Variants in WDR25 observed in about 807,000 individuals in gnomAD.
WDR25 encodes the protein WD repeat domain 25.
Under a neutral mutation model 47.7 loss-of-function variants are expected in WDR25, and 35 were observed. The observed-to-expected ratio is 0.73, with a 90% CI of 0.56 to 0.97. The LOEUF (loss-of-function observed/expected upper bound fraction) is 0.97, where lower values mean the gene tolerates loss of function less well. WDR25 is among the 50% of genes least tolerant of loss of function. The probability of loss-of-function intolerance (pLI) is 0.00; values close to 1 mark genes in which losing one functional copy is unlikely to be tolerated. For synonymous variants in WDR25, 248 were observed against 278.9 expected, an observed-to-expected ratio of 0.89 and a Z score of 1.10; for missense variants, 634 against 704.7, an observed-to-expected ratio of 0.90 and a Z score of 1.14.
chr14:100,427,268 C>T (rs1212915103), intron 2 of WDR25, among the ~76,000 whole-genome samples: 2 of 152,102 alleles, frequency 1.3e-5, no homozygotes, highest in East Asian at 1.9e-4. Flanking sequence ...TCCCACGAAG[C>T]CCTCCATGCC....
chr14:100,437,796 A>G (rs150803953), intron 2 of WDR25, among the ~76,000 whole-genome samples: 3 of 152,086 alleles, frequency 2.0e-5, no homozygotes, highest in African/African-American at 7.2e-5. Flanking sequence ...CCCTTAGTGA[A>G]GAAGAGAAGA....
intron 3 of WDR25, among the ~76,000 whole-genome samples, chr14:100,477,923 C>G (rs1185399273): frequency 6.6e-6 from 1 of 152,056 alleles, no homozygotes; most frequent in African/African-American, 2.4e-5. Flanking sequence ...AACCCCATCT[C>G]TACTAAAAAT....
chr14:100,467,979 G>A, intron 2 of WDR25, 42 bp from the exon 3 acceptor site: 1 of 1,610,040 alleles, frequency 6.2e-7, no homozygotes, highest in South Asian at 1.1e-5. Flanking sequence ...TGGAGATCAG[G>A]CCCTTGTTGT....
chr14:100,454,346 T>C, intron 2 of WDR25: 15 of 1,282,536 alleles, frequency 1.2e-5, no homozygotes, highest in Non-Finnish European at 1.5e-5. Context: ...AATGGGGTAA[T>C]GGAGTATGTG....
At chr14:100,508,581 A>G (rs1301491559) in intron 4 of WDR25, among the ~76,000 whole-genome samples, 1 of 152,202 alleles carries the variant, frequency 6.6e-6, no homozygotes, top group Non-Finnish European at 1.5e-5. Flanking sequence ...CTTTCTTTCT[A>G]ATGCATGTGC....
In WDR25 at chr14:100,529,028, G is replaced by A. The variant is rs751676691; in HGVS notation, c.1273-40G>A. 2.0e-6 allele frequency: 3 copies of A among 1,504,976 alleles called. No individual in the cohort carries two copies. Among genetic ancestry groups the A allele is most frequent in the African/African-American group, 1.4e-5 (1 of 71,506 alleles). 93.2% of individuals were successfully genotyped at this position (1,504,976 alleles called of 1,614,324 possible). A position where few individuals can be genotyped will look rare whatever the true frequency, so the allele number is the denominator to read the frequency against. On this transcript the variant is annotated intron_variant, in intron 5 of 6. Transcript: ENST00000402312. This position sits in a 1 kb window ranked among gnomAD's most constrained non-coding sequence, Gnocchi z 5.1. Reference sequence around the variant, plus strand: ...CCCCAGAGCAGAGTGCCAGGTTGGGGGTGTCTTCTCTGACCCATTTGTGGC... The same window carrying A: ...CCCCAGAGCAGAGTGCCAGGTTGGGAGTGTCTTCTCTGACCCATTTGTGGC...
intron 2 of WDR25, among the ~76,000 whole-genome samples, chr14:100,397,291 C>T (rs1323147674): frequency 6.6e-6 from 1 of 152,186 alleles, no homozygotes; most frequent in Non-Finnish European, 1.5e-5. Context: ...ATGGACCTGT[C>T]GTTCTGTAAC....
Position 100,493,012 on chromosome 14 carries a change from T to G in WDR25, c.1101+8888T>G, listed in dbSNP as rs147272871. 5.3e-3 allele frequency among the ~76,000 whole-genome samples: 809 copies of G among 152,318 alleles called. 6 individuals carry two copies. The highest frequency in any genetic ancestry group is 0.014 in the Admixed American group (208 of 15,298). On this transcript the variant is annotated intron_variant, in intron 4 of 6. Transcript: ENST00000402312. ...TTTTCTGTAGAGAAGGGTCTCACTA[T>G]GTTGCGCAGGCTGGTCTTGAACTCC...
Position 100,502,443 on chromosome 14 carries a change from C to T in WDR25, c.1101+18319C>T, listed in dbSNP as rs1232655315. The stretch of plus-strand genomic sequence containing the variant: ...AGTTGTTAGCTGGGAATGGCTCTGA[C>T]GAGGCCTTCCTGCTGCGAGTAGTCA... On this transcript the variant is annotated intron_variant, in intron 4 of 6. Coordinates refer to ENST00000402312, the MANE Select transcript of WDR25 (RefSeq NM_001161476.3). This position sits in a 1 kb window ranked among gnomAD's most constrained non-coding sequence, Gnocchi z 4.5. Among the ~76,000 whole-genome samples the T allele has an allele frequency of 6.6e-6, 1 of 152,216 alleles. No homozygotes were observed. The highest frequency in any genetic ancestry group is 2.4e-5 in the African/African-American group (1 of 41,464).
chr14:100,514,960 A>ATATT (rs1400256837), intron 4 of WDR25, among the ~76,000 whole-genome samples: 1 of 152,176 alleles, frequency 6.6e-6, no homozygotes, highest in Non-Finnish European at 1.5e-5. Flanking sequence ...TGTCTAAAAG[A>ATATT]TATTTATGCT....
At chr14:100,472,323 A>G (rs1371745543) in intron 3 of WDR25, among the ~76,000 whole-genome samples, 2 of 152,220 alleles carry the variant, frequency 1.3e-5, no homozygotes, top group Non-Finnish European at 2.9e-5. Context: ...TACCTCCCAG[A>G]TCCTGGAGGC....
chr14:100,422,216 C>T (rs1951522), intron 2 of WDR25, among the ~76,000 whole-genome samples: 101,015 of 152,072 alleles, frequency 0.66, 36,026 homozygotes, highest in East Asian at 0.91. Flanking sequence ...GCTCAGCATC[C>T]GATGAGTGAT....
chr14:100,391,997 G>A (rs1897156821), intron 2 of WDR25, among the ~76,000 whole-genome samples: 1 of 152,140 alleles, frequency 6.6e-6, no homozygotes, highest in African/African-American at 2.4e-5. Flanking sequence ...AATGAGATCT[G>A]CAAAAATGTA....
chr14:100,494,573 T>G (rs1900669980), intron 4 of WDR25, among the ~76,000 whole-genome samples: 1 of 152,066 alleles, frequency 6.6e-6, no homozygotes, highest in Non-Finnish European at 1.5e-5. Context: ...GTCAGGGTGG[T>G]GGGGAAGTGT....
Position 100,529,973 on chromosome 14 carries a change from T to C in WDR25, c.1567T>C (p.Tyr523His), listed in dbSNP as rs1330311505. ...CACACAGGCCTGTGTCGGCACCACC[T>C]ATCACCCCGTGCTGCCCTCCGTCCT... ...GHTQACVGTT[Y>H]HPVLPSVLAT... is the part of the protein sequence containing the mutation. Residue 523 changes from tyrosine to histidine, a missense_variant, in exon 7 of 7, where the codon TAT (tyrosine) becomes CAT (histidine). Physicochemically the swap from Tyr to His is moderately conservative, Grantham distance 83. Coordinates refer to ENST00000402312, the MANE Select transcript of WDR25 (RefSeq NM_001161476.3). This position sits in a 1 kb window ranked among gnomAD's most constrained non-coding sequence, Gnocchi z 5.1. 6.2e-7 allele frequency: 1 copy of C among 1,613,484 alleles called. No individual in the cohort carries two copies. Among genetic ancestry groups the C allele is most frequent in the Non-Finnish European group, 8.5e-7 (1 of 1,179,984 alleles).
intron 2 of WDR25, among the ~76,000 whole-genome samples, chr14:100,385,032 A>C: frequency 6.6e-6 from 1 of 152,238 alleles, no homozygotes; most frequent in East Asian, 1.9e-4. Context: ...AATGCCTGGC[A>C]CATAGCAGGC....
chr14:100,520,764 G>A (rs1034667966), intron 4 of WDR25, among the ~76,000 whole-genome samples: 3 of 152,202 alleles, frequency 2.0e-5, no homozygotes, highest in Middle Eastern at 3.4e-3. Flanking sequence ...TACAAGCATC[G>A]GGCTCGTATG....
At chr14:100,527,069 T>C (rs1595091355) in intron 5 of WDR25, among the ~76,000 whole-genome samples, 1 of 146,632 alleles carries the variant, frequency 6.8e-6, no homozygotes, top group Non-Finnish European at 1.5e-5. Context: ...TCTCCGTCAC[T>C]ACCACCAACT....
intron 2 of WDR25, among the ~76,000 whole-genome samples, chr14:100,396,197 C>T (rs531813373): frequency 6.6e-6 from 1 of 151,952 alleles, no homozygotes; most frequent in South Asian, 2.1e-4. Context: ...AGGATGGTCT[C>T]GATCTCCTGA....
Sources: gnomAD v4.1 joint callset for allele counts (sites outside exome capture counted in the v4.1 genomes callset) on GRCh38, gnomAD v4.1.1 for gene constraint, Gnocchi (gnomAD v3.1) non-coding constraint, MANE v1.5 for transcripts, NCBI Gene and HGNC (gene_info 2026-07-23, HGNC 2026-07-21) for gene names.